The following KCNQ4 variants were observed in gnomAD, a reference collection of about 807,000 sequenced individuals.
KCNQ4 encodes the protein potassium voltage-gated channel subfamily Q member 4, also known as potassium voltage-gated channel subfamily KQT member 4.
Under a neutral mutation model 72.6 loss-of-function variants are expected in KCNQ4, and 31 were observed. That is an observed-to-expected ratio of 0.43 (90% confidence interval 0.32 to 0.58). The LOEUF (loss-of-function observed/expected upper bound fraction) is 0.58. KCNQ4 is among the 20% of genes least tolerant of loss of function. KCNQ4 has a pLI of 0.08. For synonymous variants in KCNQ4, 405 were observed against 403.7 expected, an observed-to-expected ratio of 1.00 and a Z score of -0.04; for missense variants, 869 against 962.6, an observed-to-expected ratio of 0.90 and a Z score of 1.29.
In KCNQ4 at chr1:40,838,464, A is replaced by G; in HGVS notation, c.2029A>G (p.Ile677Val). 3.7e-6 allele frequency: 6 copies of G among 1,614,128 alleles called. No homozygotes were observed. Among genetic ancestry groups the G allele is most frequent in the Non-Finnish European group, 4.2e-6 (5 of 1,179,966 alleles). Residue 677 changes from isoleucine (I) to valine (V), a missense_variant, in exon 14 of 14, where the codon ATC becomes GTC. Coordinates refer to ENST00000347132, the MANE Select transcript of KCNQ4 (RefSeq NM_004700.4). Reference protein sequence around the residue: ...DYHSPVDHEDISVSAQTLSIS... With the variant: ...DYHSPVDHEDVSVSAQTLSIS... ...CCACAGCCCTGTGGACCACGAGGAC[A>G]TCTCCGTCTCCGCACAGACGCTCAG...
Position 40,833,010 on chromosome 1 carries a change from T to A in KCNQ4, c.1514-4T>A. 6.2e-7 allele frequency: 1 copy of A among 1,613,018 alleles called. No homozygotes were observed. The highest frequency in any genetic ancestry group is 8.5e-7 in the Non-Finnish European group (1 of 1,179,454). ...GGCCACTTGCCCCATACCTGCCTTT[T>A]CAGATGCCCCCTCAGAGGAAGTAGC... On this transcript the variant is annotated splice_region_variant and splice_polypyrimidine_tract_variant and intron_variant, in intron 10 of 13. Transcript: ENST00000347132.
At chr1:40,806,813 GC>G (rs1647777572) in intron 1 of KCNQ4, among the ~76,000 whole-genome samples, 1 of 152,192 alleles carries the variant, frequency 6.6e-6, no homozygotes, top group Non-Finnish European at 1.5e-5. Context: ...CTGCACCTCT[GC>G]CAACTTTCCT....
At chr1:40,805,651 G>A (rs574415019) in intron 1 of KCNQ4, among the ~76,000 whole-genome samples, 55 of 152,072 alleles carry the variant, frequency 3.6e-4, no homozygotes, top group African/African-American at 1.3e-3. Flanking sequence ...AAAAGAGCGC[G>A]TTTGCCATTG....
At chr1:40,822,921 G>A (rs903004801) in intron 8 of KCNQ4, among the ~76,000 whole-genome samples, 4 of 152,170 alleles carry the variant, frequency 2.6e-5, no homozygotes, top group African/African-American at 4.8e-5. Context: ...CCACTGGCCC[G>A]GGCCAGGCTA....
intron 1 of KCNQ4, among the ~76,000 whole-genome samples, chr1:40,803,278 T>C (rs542264068): frequency 6.6e-6 from 1 of 152,116 alleles, no homozygotes; most frequent in South Asian, 2.1e-4. Context: ...CAGCAAAAAA[T>C]AGGGCCCTCA....
intron 1 of KCNQ4, among the ~76,000 whole-genome samples, chr1:40,814,046 CTTTTTTTTTTTT>C (rs35243800): frequency 1.9e-5 from 1 of 52,698 alleles, no homozygotes; most frequent in South Asian, 8.8e-4. Flanking sequence ...TGCGCCCGGC[CTTTTTTTTTTTT>C]TTTTTTTTTT....
At chr1:40,816,048 T>C (rs1476734560) in intron 1 of KCNQ4, among the ~76,000 whole-genome samples, 1 of 53,226 alleles carries the variant, frequency 1.9e-5, no homozygotes, top group Non-Finnish European at 4.4e-5. Context: ...TCCGTAGAGC[T>C]TTGTAGCATT....
At chr1:40,797,715 C>T (rs1016492580) in intron 1 of KCNQ4, among the ~76,000 whole-genome samples, 8 of 152,170 alleles carry the variant, frequency 5.3e-5, no homozygotes, top group Admixed American at 4.6e-4. Context: ...AGGGTCCAGC[C>T]TCCTGAGTGC....
At chr1:40,825,134 C>A (rs1440855283) in intron 9 of KCNQ4, among the ~76,000 whole-genome samples, 1 of 152,190 alleles carries the variant, frequency 6.6e-6, no homozygotes, top group East Asian at 1.9e-4. Context: ...GGTTAAATCC[C>A]CCTCATTCTT....
chr1:40,796,527 A>G (rs920655548), intron 1 of KCNQ4, among the ~76,000 whole-genome samples: 1 of 152,180 alleles, frequency 6.6e-6, no homozygotes, highest in African/African-American at 2.4e-5. Flanking sequence ...ACAAGAGTCT[A>G]GCTCTATAGG....
intron 12 of KCNQ4, among the ~76,000 whole-genome samples, chr1:40,836,522 G>T (rs1416988869): frequency 1.3e-5 from 2 of 152,146 alleles, no homozygotes; most frequent in Non-Finnish European, 2.9e-5. Flanking sequence ...AAAGTGTAGA[G>T]GAATTGAAAA....
intron 9 of KCNQ4, chr1:40,826,692 G>A (rs1474666177): frequency 4.4e-6 from 2 of 455,820 alleles, no homozygotes; most frequent in Admixed American, 2.3e-5. Context: ...GCTGGAGACC[G>A]AGGTACCCCC....
chr1:40,818,822 GA>G, intron 4 of KCNQ4, 142 bp downstream of exon 4: 1 of 945,024 alleles, frequency 1.1e-6, no homozygotes, highest in Non-Finnish European at 1.6e-6. Context: ...GCCCTAGCAG[GA>G]GGCGAGGTCT....
At position 40,786,981 on chromosome 1, in the gene KCNQ4, A is replaced by G. The variant is rs147472982; in HGVS notation, c.314+2574A>G. Among the ~76,000 whole-genome samples, 24 of 152,170 alleles carry G rather than the reference A, an allele frequency of 1.6e-4. No individual in the cohort carries two copies. The East Asian group carries it at 2.7e-3, about 17-fold the overall frequency. ...GGTCAAATCCTTTCTCCTCTTCCCA[A>G]TCTGCCTCAGTGGCAGCCCAAGTGA... is the stretch of plus-strand genomic sequence containing the variant. On this transcript the variant is annotated intron_variant, in intron 1 of 13. Transcript: ENST00000347132.
At chr1:40,819,606 C>A in intron 5 of KCNQ4, 134 bp downstream of exon 5, 5 of 1,235,566 alleles carry the variant, frequency 4.0e-6, no homozygotes, top group South Asian at 1.4e-5. Flanking sequence ...GCTGGGACCC[C>A]CCTGAGACCA....
chr1:40,819,736 C>T (rs1648226798), intron 5 of KCNQ4, 139 bp from the exon 6 acceptor site: 1 of 833,604 alleles, frequency 1.2e-6, no homozygotes, highest in African/African-American at 1.7e-5. Flanking sequence ...GAGGGAGAAT[C>T]CATCTATGAC....
chr1:40,791,771 G>A (rs574414670), intron 1 of KCNQ4, among the ~76,000 whole-genome samples: 50 of 152,328 alleles, frequency 3.3e-4, no homozygotes, highest in African/African-American at 1.1e-3. Context: ...GGGACTGGAG[G>A]AAAGCTCACT....
At chr1:40,806,133 G>A (rs188692825) in intron 1 of KCNQ4, among the ~76,000 whole-genome samples, 4 of 152,314 alleles carry the variant, frequency 2.6e-5, no homozygotes, top group African/African-American at 4.8e-5. Context: ...GAGCCACCGC[G>A]CCCGGCCTCA....
intron 1 of KCNQ4, among the ~76,000 whole-genome samples, chr1:40,805,375 A>G (rs1647726671): frequency 6.6e-6 from 1 of 152,068 alleles, no homozygotes; most frequent in Admixed American, 6.5e-5. Flanking sequence ...GATCCTTACC[A>G]TAGCCAGTAG....
Sources: gnomAD v4.1 joint callset for allele counts (sites outside exome capture counted in the v4.1 genomes callset) on GRCh38, gnomAD v4.1.1 for gene constraint, MANE v1.5 for transcripts, NCBI Gene and HGNC (gene_info 2026-07-23, HGNC 2026-07-21) for gene names.